PCDH11X: variants seen among roughly 807,000 people sequenced by gnomAD.
The protein encoded by PCDH11X is protocadherin 11 X-linked.
Under a neutral mutation model 53.3 loss-of-function variants are expected in PCDH11X, and 18 were observed. The ratio of observed to expected loss-of-function variants is 0.34; its 90% CI spans 0.23 to 0.50. The LOEUF is 0.50. Ranked by LOEUF, PCDH11X falls within the 20% of genes least tolerant of loss-of-function variation. The probability of loss-of-function intolerance (pLI) is 0.98; values close to 1 mark genes in which losing one functional copy is unlikely to be tolerated. For synonymous variants in PCDH11X, 279 were observed against 393.3 expected (o/e 0.71, Z 3.44); for missense variants, 570 against 1,032.4 (o/e 0.55, Z 6.14).
chrX:91,809,329 G>A (rs975475887), intron 1 of PCDH11X, among the ~76,000 whole-genome samples, 137 bp from the exon 2 acceptor site: 5 of 110,557 alleles, frequency 4.5e-5, no homozygotes, highest in Admixed American at 3.9e-4. Context: ...TTACCTCAAA[G>A]TATTCACATT....
intron 6 of PCDH11X, among the ~76,000 whole-genome samples, chrX:92,160,713 T>C (rs2065628030): frequency 9.3e-6 from 1 of 107,249 alleles, no homozygotes; most frequent in Non-Finnish European, 1.9e-5. Context: ...CTGGATCAAA[T>C]GGTAGTTCTA....
intron 1 of PCDH11X, among the ~76,000 whole-genome samples, chrX:91,786,727 G>A (rs1434860423): frequency 1.1e-4 from 11 of 96,460 alleles, no homozygotes; most frequent in African/African-American, 4.1e-4. Flanking sequence ...TGAAGTTCCC[G>A]CTGATGAAAT....
chrX:91,931,235 T>C (rs2061381064), intron 6 of PCDH11X, among the ~76,000 whole-genome samples: 1 of 110,233 alleles, frequency 9.1e-6, no homozygotes, highest in African/African-American at 3.3e-5. Flanking sequence ...GAAAACCTTT[T>C]TGAAAGTTTT....
At chrX:91,803,208 T>C (rs927397175) in intron 1 of PCDH11X, among the ~76,000 whole-genome samples, 6 of 111,634 alleles carry the variant, frequency 5.4e-5, no homozygotes, top group African/African-American at 1.9e-4. Flanking sequence ...TTTTTGTTTC[T>C]GCAGATTTAT....
chrX:92,409,650 C>A (rs1397718715), intron 9 of PCDH11X, among the ~76,000 whole-genome samples: 2 of 111,851 alleles, frequency 1.8e-5, no homozygotes, highest in Non-Finnish European at 3.8e-5. Flanking sequence ...CAATTTCAAA[C>A]CTTGTGGTTT....
At chrX:92,221,840 G>A (rs914803957) in intron 7 of PCDH11X, among the ~76,000 whole-genome samples, 9 of 95,879 alleles carry the variant, frequency 9.4e-5, no homozygotes, top group Non-Finnish European at 1.9e-4. Flanking sequence ...TTCTTAAATA[G>A]ATTTTTTTTT....
Position 92,387,726 on chromosome X carries a change from C to T in PCDH11X, c.3145-9C>T, listed in dbSNP as rs748163699. On this transcript the variant is annotated splice_polypyrimidine_tract_variant and intron_variant, in intron 8 of 10. Transcript: ENST00000682573. ...TCTGAAACCCTGTAATTTTCATTCT[C>T]CCTTTCAGTCCCAGCGGCGTGTCAC... 8.3e-7 allele frequency: 1 copy of T among 1,210,438 alleles called. No individual in the cohort carries two copies. The highest frequency in any genetic ancestry group is 2.2e-5 in the Admixed American group (1 of 45,778).
At chrX:92,396,541 T>C (rs1181656610) in intron 9 of PCDH11X, among the ~76,000 whole-genome samples, 1 of 100,300 alleles carries the variant, frequency 1.0e-5, no homozygotes, top group East Asian at 4.0e-4. Context: ...ATAAATGTCC[T>C]ATAAAAGTTA....
intron 6 of PCDH11X, among the ~76,000 whole-genome samples, chrX:92,177,182 T>C (rs935921442): frequency 9.1e-6 from 1 of 110,098 alleles, no homozygotes; most frequent in African/African-American, 3.3e-5. Flanking sequence ...ATTGCCATGC[T>C]GGACAGGCTG....
At chrX:92,480,983 A>G (rs1042357349) in intron 10 of PCDH11X, among the ~76,000 whole-genome samples, 3 of 110,459 alleles carry the variant, frequency 2.7e-5, no homozygotes, top group Admixed American at 9.6e-5. Context: ...CCCTCTGGTG[A>G]CTGTGCATGT....
At chrX:92,262,533 C>T (rs1006136759) in intron 7 of PCDH11X, among the ~76,000 whole-genome samples, 3 of 111,079 alleles carry the variant, frequency 2.7e-5, no homozygotes, top group African/African-American at 6.5e-5. Flanking sequence ...GAATGACTTC[C>T]GTGATGATAT....
chrX:92,197,548 G>A (rs1289969902), intron 6 of PCDH11X, among the ~76,000 whole-genome samples: 1 of 111,452 alleles, frequency 9.0e-6, no homozygotes, highest in Non-Finnish European at 1.9e-5. Context: ...AAATAAGAAT[G>A]AAAAAAAGTT....
intron 7 of PCDH11X, among the ~76,000 whole-genome samples, chrX:92,202,773 G>A (rs1372617557): frequency 8.9e-6 from 1 of 111,841 alleles, no homozygotes; most frequent in African/African-American, 3.3e-5. Flanking sequence ...TGTAATCCCA[G>A]CAGTTTGGAA....
intron 6 of PCDH11X, among the ~76,000 whole-genome samples, chrX:92,001,486 G>A (rs80339597): frequency 2.3e-5 from 1 of 43,602 alleles, no homozygotes; most frequent in Non-Finnish European, 4.0e-5. Context: ...TTTTTTTTTT[G>A]AGACAGAGTT....
chrX:92,198,726 T>C (rs1286660183), intron 6 of PCDH11X, among the ~76,000 whole-genome samples: 1 of 111,535 alleles, frequency 9.0e-6, no homozygotes, highest in Non-Finnish European at 1.9e-5. Flanking sequence ...TATATTTTCA[T>C]GAAAGCTTCC....
At chrX:91,942,216 A>T (rs2147857332) in intron 6 of PCDH11X, among the ~76,000 whole-genome samples, 1 of 110,351 alleles carries the variant, frequency 9.1e-6, no homozygotes, top group Non-Finnish European at 1.9e-5. Flanking sequence ...GCTCAAAGCC[A>T]AAACCAGTGA....
intron 6 of PCDH11X, among the ~76,000 whole-genome samples, chrX:91,947,233 T>G (rs1490613713): frequency 9.1e-6 from 1 of 109,553 alleles, no homozygotes; most frequent in Non-Finnish European, 1.9e-5. Flanking sequence ...AATCTTGATA[T>G]TAGACTCCAA....
At chrX:91,807,197 AAATT>A (rs1295600773) in intron 1 of PCDH11X, among the ~76,000 whole-genome samples, 3 of 107,730 alleles carry the variant, frequency 2.8e-5, no homozygotes, top group African/African-American at 1.0e-4. Flanking sequence ...AAAAAAAAAA[AAATT>A]AGCCAGGTCT....
chrX:91,990,835 T>G (rs2525276), intron 6 of PCDH11X, among the ~76,000 whole-genome samples: 1 of 105,361 alleles, frequency 9.5e-6, no homozygotes, highest in African/African-American at 3.5e-5. Context: ...TCCCTGAACT[T>G]TGGGGGGCTA....
Sources: gnomAD v4.1 joint callset for allele counts (sites outside exome capture counted in the v4.1 genomes callset) on GRCh38, gnomAD v4.1.1 for gene constraint, MANE v1.5 for transcripts, NCBI Gene and HGNC (gene_info 2026-07-23, HGNC 2026-07-21) for gene names.